The following LMF1 variants were observed in gnomAD, a reference collection of about 807,000 sequenced individuals.
The protein encoded by LMF1 is transmembrane protein 112.
A neutral mutation model predicts 60.6 loss-of-function variants in LMF1; 68 were observed. That is an observed-to-expected ratio of 1.12 (90% CI 0.92 to 1.37). The LOEUF (loss-of-function observed/expected upper bound fraction) is 1.37. Among genes scored for constraint, LMF1 ranks in the 40% most tolerant of loss-of-function variants. The probability of loss-of-function intolerance (pLI) is 0.00; values close to 1 mark genes in which losing one functional copy is unlikely to be tolerated. For synonymous variants in LMF1, 418 were observed against 324.7 expected (o/e 1.29, Z -3.09); for missense variants, 948 against 767.2 (o/e 1.24, Z -2.78).
chr16:981,020 C>A, intron 1 of LMF1: 1 of 211,254 alleles, frequency 4.7e-6, no homozygotes, highest in South Asian at 4.6e-5. Context: ...CCAGCGCTCC[C>A]GCCCCCTCCA....
chr16:939,774 T>C (rs985154185), intron 2 of LMF1, among the ~76,000 whole-genome samples: 5 of 152,144 alleles, frequency 3.3e-5, no homozygotes, highest in Non-Finnish European at 7.4e-5. Context: ...GACCAGGTAA[T>C]GAAAATTGTT....
chr16:947,780 C>A, intron 2 of LMF1: 1 of 352,040 alleles, frequency 2.8e-6, no homozygotes, highest in South Asian at 2.1e-5. Flanking sequence ...TCAGAGCCAA[C>A]GACAGAGTCA....
intron 6 of LMF1, 88 bp from the exon 7 acceptor site, chr16:871,429 G>T: frequency 2.2e-6 from 3 of 1,356,792 alleles, no homozygotes; most frequent in East Asian, 2.4e-5. Flanking sequence ...GCAGGGAGGG[G>T]GGAGGGAACC....
chr16:923,466 A>G (rs1431194051), intron 3 of LMF1, among the ~76,000 whole-genome samples: 5 of 152,184 alleles, frequency 3.3e-5, no homozygotes, highest in Admixed American at 6.5e-5. Context: ...CCACTAAAGC[A>G]TCAGGCTTCT....
chr16:885,024 A>G lies in LMF1; in HGVS notation c.730-5287T>C, dbSNP rs995910082. The G allele has an allele frequency of 2.0e-5, 3 of 152,286 alleles. 1 individual carries two copies. Among genetic ancestry groups the G allele is most frequent in the South Asian group, 4.1e-4 (2 of 4,838 alleles). The allele number at this position is 152,286 out of a possible 1,614,324, so 9.4% of individuals were successfully genotyped here. A position where few individuals can be genotyped will look rare whatever the true frequency, so the allele number is the denominator to read the frequency against. ...GATACACAATGAGGCTGTTCTTCCAATTGAATGAAATGTCTCTGAAAGATA... is the reference window on the plus strand; with the variant it reads ...GATACACAATGAGGCTGTTCTTCCAGTTGAATGAAATGTCTCTGAAAGATA... On this transcript the variant is annotated intron_variant, in intron 5 of 10. Coordinates refer to ENST00000262301, the MANE Select transcript of LMF1 (RefSeq NM_022773.4).
chr16:854,122 A>T lies in LMF1; in HGVS notation c.*410T>A. 1 of 463,932 alleles carries T rather than the reference A, an allele frequency of 2.2e-6. No individual in the cohort carries two copies. The highest frequency in any genetic ancestry group is 4.3e-6 in the Non-Finnish European group (1 of 233,760). 28.7% of individuals were successfully genotyped at this position (463,932 alleles called of 1,614,324 possible). On this transcript the variant is annotated 3_prime_UTR_variant, in exon 11 of 11. Coordinates refer to ENST00000262301, the MANE Select transcript of LMF1 (RefSeq NM_022773.4). ...GCTGGGAACACACCATTGAAGAGGG[A>T]ACAGAAACCAGGCCCTGGGACGCTA... is the stretch of plus-strand genomic sequence containing the variant.
At chr16:969,389 G>A (rs933592478) in intron 1 of LMF1, among the ~76,000 whole-genome samples, 4 of 152,272 alleles carry the variant, frequency 2.6e-5, no homozygotes, top group South Asian at 4.1e-4. Flanking sequence ...AGTTGAAGCC[G>A]ATACTGCAAT....
At chr16:975,648 A>G (rs1207192119), upstream of LMF1, 1 of 376,994 alleles carries the variant, frequency 2.7e-6, no homozygotes, top group Non-Finnish European at 5.2e-6. Flanking sequence ...AACCAAGGCC[A>G]CAGAGGAAGC....
At chr16:884,018 A>T (rs1307958953) in intron 5 of LMF1, 1 of 152,146 alleles carries the variant, frequency 6.6e-6, no homozygotes, top group South Asian at 2.1e-4. Flanking sequence ...AGTTCTATCC[A>T]TTTTTGCTTC....
chr16:894,010 C>A (rs1012516348), intron 4 of LMF1, among the ~76,000 whole-genome samples: 8 of 146,622 alleles, frequency 5.5e-5, no homozygotes, highest in African/African-American at 2.0e-4. Flanking sequence ...TCCACCCACC[C>A]GTCCCCCTGT....
intron 2 of LMF1, chr16:947,623 C>T: frequency 2.2e-6 from 1 of 455,888 alleles, no homozygotes. Flanking sequence ...GACTTTGGTC[C>T]AAGTTTCTGG....
chr16:861,156 G>T (rs2069452906), intron 10 of LMF1, among the ~76,000 whole-genome samples: 1 of 152,118 alleles, frequency 6.6e-6, no homozygotes, highest in South Asian at 2.1e-4. Flanking sequence ...GCATTGCTGA[G>T]TTTTCAGCAT....
At chr16:971,674 G>A (rs935329544), upstream of LMF1, among the ~76,000 whole-genome samples, 1 of 152,158 alleles carries the variant, frequency 6.6e-6, no homozygotes, top group African/African-American at 2.4e-5. Context: ...GAAGGAGGAC[G>A]CCAGCACTCT....
In LMF1 at chr16:954,489, G is replaced by C. The variant is rs1294083549; in HGVS notation, c.371C>G (p.Ser124Cys). ...GAGAAGAGCCAGCAAGTCCAGGTTG[G>C]AGTTCATGTCTGACCAGTCCATCAG... ...LWLMDWSDMN[S>C]NLDLLALLGL... Residue 124 changes from serine (S) to cysteine (C), a missense_variant, in exon 2 of 11, where the codon TCC becomes TGC. By Grantham distance (112) the Ser-to-Cys change is moderately radical. Coordinates refer to ENST00000262301, the MANE Select transcript of LMF1 (RefSeq NM_022773.4). 4.3e-6 allele frequency: 7 copies of C among 1,612,764 alleles called. No individual in the cohort carries two copies. In the East Asian group the frequency reaches 1.1e-4, roughly 26 times the overall value.
chr16:881,451 CAG>C (rs904696921), intron 5 of LMF1: 1 of 152,248 alleles, frequency 6.6e-6, no homozygotes, highest in Admixed American at 6.5e-5. Flanking sequence ...AATGGTGGGT[CAG>C]GGCATGGCGG....
At chr16:868,920 G>C (rs1261765128) in intron 10 of LMF1, 24 bp downstream of exon 10, 2 of 1,453,086 alleles carry the variant, frequency 1.4e-6, no homozygotes, top group South Asian at 1.1e-5. Context: ...AGACCCCTGA[G>C]CAGCGGCAGG....
Position 853,822 on chromosome 16 carries a change from C to G in LMF1, c.*710G>C, listed in dbSNP as rs1443884608. 1 of 453,988 alleles carries G rather than the reference C, an allele frequency of 2.2e-6. No homozygotes were observed. The highest frequency in any genetic ancestry group is 2.0e-5 in the African/African-American group (1 of 50,014). 28.1% of individuals were successfully genotyped at this position (453,988 alleles called of 1,614,324 possible). A position where few individuals can be genotyped will look rare whatever the true frequency, so the allele number is the denominator to read the frequency against. On this transcript the variant is annotated 3_prime_UTR_variant, in exon 11 of 11. Coordinates refer to ENST00000262301, the MANE Select transcript of LMF1 (RefSeq NM_022773.4). ...GCCTCAGAGGCAGCGAGGTCACAGCCTGGTGGAGGGTCTGGGTGTGCGCTG... is the reference window on the plus strand; with the variant it reads ...GCCTCAGAGGCAGCGAGGTCACAGCGTGGTGGAGGGTCTGGGTGTGCGCTG...
intron 1 of LMF1, chr16:979,128 C>G (rs764948387): frequency 4.4e-6 from 2 of 452,442 alleles, no homozygotes; most frequent in South Asian, 3.1e-5. Context: ...ACAGCAAGTG[C>G]TTAATTAATA....
intron 3 of LMF1, among the ~76,000 whole-genome samples, chr16:923,401 A>AC (rs2071499299): frequency 6.6e-6 from 1 of 152,034 alleles, no homozygotes; most frequent in African/African-American, 2.4e-5. Flanking sequence ...AAGCTGCAGC[A>AC]CCCCAGTAGT....
Sources: allele counts gnomAD v4.1 joint callset (sites outside exome capture counted in the v4.1 genomes callset), GRCh38; gene constraint gnomAD v4.1.1; transcripts MANE v1.5; gene names NCBI Gene and HGNC (gene_info 2026-07-23, HGNC 2026-07-21).